The following MPDZ variants were observed in gnomAD, a reference collection of about 807,000 sequenced individuals.
MPDZ encodes multiple PDZ domain crumbs cell polarity complex component.
A neutral mutation model predicts 239.1 loss-of-function variants in MPDZ; 234 were observed. The observed-to-expected ratio is 0.98, with a 90% CI of 0.88 to 1.09. The LOEUF is 1.09. Among genes scored for constraint, MPDZ ranks in the 50% least tolerant of loss-of-function variants. The pLI, the probability that MPDZ is intolerant of heterozygous loss-of-function variation, is 0.00. For synonymous variants in MPDZ, 1,048 were observed against 881.3 expected (o/e 1.19, Z -3.35); for missense variants, 3,175 against 2,510.0 (o/e 1.26, Z -5.66).
chr9:13,124,923 G>A (rs79944160), intron 35 of MPDZ, among the ~76,000 whole-genome samples: 1 of 152,242 alleles, frequency 6.6e-6, no homozygotes, highest in African/African-American at 2.4e-5. Flanking sequence ...TATTTTTGGA[G>A]AGCAAAGAAT....
chr9:13,198,704 C>T (rs1955968523), intron 12 of MPDZ, among the ~76,000 whole-genome samples: 1 of 120,310 alleles, frequency 8.3e-6, no homozygotes, highest in African/African-American at 2.7e-5. Context: ...ACGTTTCCTT[C>T]AGTTCTTATA....
intron 22 of MPDZ, among the ~76,000 whole-genome samples, chr9:13,164,903 A>T (rs1361121571): frequency 6.6e-6 from 1 of 152,182 alleles, no homozygotes; most frequent in African/African-American, 2.4e-5. Context: ...TGCCAAAGCT[A>T]AATTATGAGC....
intron 2 of MPDZ, among the ~76,000 whole-genome samples, chr9:13,248,072 C>A (rs1383180455): frequency 1.3e-5 from 2 of 151,086 alleles, no homozygotes; most frequent in African/African-American, 4.9e-5. Flanking sequence ...ACTAAAAATA[C>A]AAAAAATTAG....
At chr9:13,161,918 G>A (rs1448537247) in intron 23 of MPDZ, among the ~76,000 whole-genome samples, 1 of 152,036 alleles carries the variant, frequency 6.6e-6, no homozygotes, top group African/African-American at 2.4e-5. Context: ...ATGCATATAT[G>A]CTAACGGGTT....
At chr9:13,240,580 T>TAAAAAAAAAAAAA (rs71331533) in intron 3 of MPDZ, among the ~76,000 whole-genome samples, 9 of 44,020 alleles carry the variant, frequency 2.0e-4, no homozygotes, top group Admixed American at 3.5e-4. Flanking sequence ...ATAATAAAAG[T>TAAAAAAAAAAAAA]AAAAAAAAAA....
At chr9:13,249,762 A>G (rs1166912030) in intron 2 of MPDZ, among the ~76,000 whole-genome samples, 1 of 152,234 alleles carries the variant, frequency 6.6e-6, no homozygotes, top group African/African-American at 2.4e-5. Context: ...AAAACTAAAG[A>G]GCAGTGGGAA....
chr9:13,277,015 T>C (rs1409789246), intron 1 of MPDZ, among the ~76,000 whole-genome samples: 1 of 152,216 alleles, frequency 6.6e-6, no homozygotes, highest in Admixed American at 6.5e-5. Context: ...ATCAAGGATT[T>C]CCAAGAGTCT....
At chr9:13,196,290 T>A in intron 12 of MPDZ, 60 bp from the exon 13 acceptor site, 1 of 1,193,698 alleles carries the variant, frequency 8.4e-7, no homozygotes, top group Non-Finnish European at 1.2e-6. Flanking sequence ...CATCTTAACA[T>A]CCTGTACCAA....
At chr9:13,265,387 T>C (rs1246038027) in intron 1 of MPDZ, among the ~76,000 whole-genome samples, 1 of 152,126 alleles carries the variant, frequency 6.6e-6, no homozygotes, top group South Asian at 2.1e-4. Flanking sequence ...CTGACCAATA[T>C]GGAGAAATCC....
At chr9:13,178,482 A>T (rs1417959022) in intron 19 of MPDZ, among the ~76,000 whole-genome samples, 2 of 152,122 alleles carry the variant, frequency 1.3e-5, no homozygotes, top group East Asian at 1.9e-4. Flanking sequence ...CATATTCTTT[A>T]TCCGATTTTT....
At chr9:13,251,460 G>A (rs1588124072) in intron 1 of MPDZ, among the ~76,000 whole-genome samples, 1 of 152,256 alleles carries the variant, frequency 6.6e-6, no homozygotes, top group South Asian at 2.1e-4. Flanking sequence ...AGCCTTTGCT[G>A]CCGAACAAAT....
intron 22 of MPDZ, among the ~76,000 whole-genome samples, chr9:13,164,747 G>GAAA (rs1950862136): frequency 6.6e-6 from 1 of 152,058 alleles, no homozygotes; most frequent in African/African-American, 2.4e-5. Context: ...AGAAAGAGTA[G>GAAA]AGACGGTAGT....
intron 1 of MPDZ, among the ~76,000 whole-genome samples, chr9:13,278,128 G>C (rs934423658): frequency 1.3e-5 from 2 of 152,168 alleles, no homozygotes; most frequent in African/African-American, 4.8e-5. Flanking sequence ...ACATCAAACT[G>C]TCTACAAGGC....
In MPDZ at chr9:13,235,286, CA is replaced by C. The variant is rs767014671; in HGVS notation, c.184-10704del. Among the ~76,000 whole-genome samples the C allele has an allele frequency of 8.7e-4, 133 of 152,212 alleles. 1 individual carries two copies. The highest frequency in any genetic ancestry group is 1.5e-3 in the Admixed American group (23 of 15,290). The stretch of plus-strand genomic sequence containing the variant: ...CCTAGCTCCTGAACTAAATGAGACA[CA>C]AAATGGAGCAATAAGTTATAAGAAG... On this transcript the variant is annotated intron_variant, in intron 3 of 46. Coordinates refer to ENST00000319217, the MANE Select transcript of MPDZ (RefSeq NM_001378778.1).
intron 10 of MPDZ, 61 bp downstream of exon 10, chr9:13,216,713 T>C: frequency 3.2e-6 from 4 of 1,266,728 alleles, no homozygotes; most frequent in Non-Finnish European, 4.5e-6. Flanking sequence ...CTAAGTAAAC[T>C]AGGAGAATAC....
chr9:13,197,159 C>CTATATA (rs151292901), intron 12 of MPDZ, among the ~76,000 whole-genome samples: 7 of 148,338 alleles, frequency 4.7e-5, no homozygotes, highest in Non-Finnish European at 9.0e-5. Context: ...AAACAATAAA[C>CTATATA]TATATATATA....
intron 1 of MPDZ, among the ~76,000 whole-genome samples, chr9:13,265,566 T>C (rs1971604697): frequency 6.6e-6 from 1 of 152,016 alleles, no homozygotes; most frequent in African/African-American, 2.4e-5. Context: ...CGAAACTCCA[T>C]CTCAAAAAGA....
chr9:13,206,944 G>C (rs1203833241), intron 10 of MPDZ, among the ~76,000 whole-genome samples: 1 of 152,002 alleles, frequency 6.6e-6, no homozygotes, highest in African/African-American at 2.4e-5. Flanking sequence ...CTTCCAAAAT[G>C]GTGAGTTTAC....
intron 18 of MPDZ, among the ~76,000 whole-genome samples, chr9:13,184,204 G>C (rs554185779): frequency 2.6e-5 from 4 of 152,058 alleles, no homozygotes; most frequent in Non-Finnish European, 4.4e-5. Flanking sequence ...TAAAGAGTGA[G>C]ATAGAGAATT....
Sources: allele counts gnomAD v4.1 joint callset (sites outside exome capture counted in the v4.1 genomes callset), GRCh38; gene constraint gnomAD v4.1.1; transcripts MANE v1.5; gene names NCBI Gene and HGNC (gene_info 2026-07-23, HGNC 2026-07-21).